Variants in MGAT4C observed in about 807,000 individuals in gnomAD.
MGAT4C encodes MGAT4 family member C.
MGAT4C carries 19 observed loss-of-function variants against 40.1 expected under a neutral mutation model. The observed-to-expected ratio is 0.47, with a 90% confidence interval of 0.33 to 0.70. The LOEUF (loss-of-function observed/expected upper bound fraction) is 0.70. Ranked by LOEUF, MGAT4C falls within the 30% of genes least tolerant of loss-of-function variation. MGAT4C has a pLI of 0.02. For missense variants in MGAT4C, 491 were observed against 563.2 expected, an observed-to-expected ratio of 0.87 and a Z score of 1.30; for synonymous variants, 181 against 187.1, an observed-to-expected ratio of 0.97 and a Z score of 0.27.
chr12:86,667,084 A>C (rs1397401835), intron 2 of MGAT4C, among the ~76,000 whole-genome samples: 1 of 152,182 alleles, frequency 6.6e-6, no homozygotes, highest in Non-Finnish European at 1.5e-5. Flanking sequence ...TGAAACTTTC[A>C]TGGTACAAAA....
chr12:86,753,732 T>A (rs1951259511), intron 1 of MGAT4C, among the ~76,000 whole-genome samples: 1 of 152,050 alleles, frequency 6.6e-6, no homozygotes, highest in African/African-American at 2.4e-5. Context: ...TACAAAAAGA[T>A]ATGAATAGAA....
chr12:86,399,432 C>G (rs1393988767), intron 3 of MGAT4C, among the ~76,000 whole-genome samples: 1 of 151,884 alleles, frequency 6.6e-6, no homozygotes, highest in Admixed American at 6.6e-5. Flanking sequence ...CAGGCGCCCG[C>G]CACCACACCC....
chr12:86,305,454 AAAAAG>A (rs1385020994), intron 4 of MGAT4C, among the ~76,000 whole-genome samples: 2 of 150,090 alleles, frequency 1.3e-5, no homozygotes, highest in African/African-American at 2.5e-5. Context: ...AAAAAAAAAA[AAAAAG>A]AAAGAAAGAA....
At chr12:86,755,442 T>G (rs1951286617) in intron 1 of MGAT4C, among the ~76,000 whole-genome samples, 1 of 152,218 alleles carries the variant, frequency 6.6e-6, no homozygotes, top group Admixed American at 6.5e-5. Context: ...TTCATAGATT[T>G]ACTATGCAGA....
intron 2 of MGAT4C, among the ~76,000 whole-genome samples, chr12:86,008,897 G>A (rs756853055): frequency 2.6e-5 from 4 of 151,926 alleles, no homozygotes; most frequent in Non-Finnish European, 5.9e-5. Flanking sequence ...CTATACGATG[G>A]ATTATACTTG....
At chr12:86,582,791 T>C (rs535516319) in intron 2 of MGAT4C, among the ~76,000 whole-genome samples, 7 of 151,340 alleles carry the variant, frequency 4.6e-5, no homozygotes, top group South Asian at 2.1e-4. Context: ...TTGGGACTTA[T>C]GTCGACCAAG....
chr12:86,677,300 C>A (rs1461679049), intron 2 of MGAT4C, among the ~76,000 whole-genome samples: 1 of 152,080 alleles, frequency 6.6e-6, no homozygotes, highest in Admixed American at 6.6e-5. Flanking sequence ...TTTCACCAAT[C>A]TCTTGATGGC....
intron 3 of MGAT4C, among the ~76,000 whole-genome samples, chr12:86,402,717 A>G (rs1334772446): frequency 6.6e-6 from 1 of 152,158 alleles, no homozygotes; most frequent in East Asian, 1.9e-4. Flanking sequence ...TATAGTAGGC[A>G]CTGGATTTAT....
At chr12:86,239,451 T>C (rs1009557696) in intron 1 of MGAT4C, among the ~76,000 whole-genome samples, 1 of 152,086 alleles carries the variant, frequency 6.6e-6, no homozygotes, top group Non-Finnish European at 1.5e-5. Context: ...CATAAATGTG[T>C]TTCAAAGAAG....
At chr12:86,278,940 T>A (rs897885749) in intron 4 of MGAT4C, among the ~76,000 whole-genome samples, 3 of 152,250 alleles carry the variant, frequency 2.0e-5, no homozygotes, top group Admixed American at 2.0e-4. Context: ...ATCATATAGG[T>A]TTTGTCCTTC....
rs573908850 is a variant in MGAT4C at position 85,985,082 on chromosome 12, A to C, written c.148-1412T>G. ...GGTGTGAGCCAGCACACCTGGCCTTATGTGGATTTATTTTATTCAGTATAG... is the reference window on the plus strand; with the variant it reads ...GGTGTGAGCCAGCACACCTGGCCTTCTGTGGATTTATTTTATTCAGTATAG... On this transcript the variant is annotated intron_variant, in intron 3 of 4. Coordinates refer to ENST00000611864, the MANE Select transcript of MGAT4C (RefSeq NM_001351288.2). Among the ~76,000 whole-genome samples, 4 of 152,254 alleles carry C rather than the reference A, an allele frequency of 2.6e-5. No individual in the cohort carries two copies. The East Asian group carries it at 5.8e-4, about 22-fold the overall frequency.
intron 2 of MGAT4C, among the ~76,000 whole-genome samples, chr12:86,590,559 G>T (rs10858453): frequency 0.85 from 128,931 of 151,544 alleles, 55,378 homozygotes; most frequent in East Asian, 0.96. Context: ...CTTAGCTGCT[G>T]TTTCTTGTAT....
At chr12:86,322,746 A>G (rs1014557215) in intron 4 of MGAT4C, among the ~76,000 whole-genome samples, 1 of 152,104 alleles carries the variant, frequency 6.6e-6, no homozygotes, top group Non-Finnish European at 1.5e-5. Context: ...TAGCATTTTT[A>G]CAAGTCCAAT....
chr12:86,122,243 T>C (rs1879481238), intron 1 of MGAT4C, among the ~76,000 whole-genome samples: 1 of 152,182 alleles, frequency 6.6e-6, no homozygotes, highest in Non-Finnish European at 1.5e-5. Context: ...TAAAAATGTA[T>C]GCCTTTTTAT....
chr12:86,479,491 A>G (rs1475626943), intron 2 of MGAT4C, among the ~76,000 whole-genome samples: 2 of 151,892 alleles, frequency 1.3e-5, no homozygotes, highest in Admixed American at 6.6e-5. Flanking sequence ...AGGGTGGTCA[A>G]ACTCTAAAAA....
chr12:86,827,548 C>A (rs1407856696), intron 1 of MGAT4C, among the ~76,000 whole-genome samples: 1 of 151,066 alleles, frequency 6.6e-6, no homozygotes, highest in African/African-American at 2.4e-5. Context: ...ATGAAACTGT[C>A]CAGATAGAGC....
intron 2 of MGAT4C, among the ~76,000 whole-genome samples, chr12:86,596,658 G>A (rs1961548732): frequency 6.6e-6 from 1 of 152,154 alleles, no homozygotes; most frequent in African/African-American, 2.4e-5. Context: ...TTAATTGGCT[G>A]TAAGTCTTTT....
intron 2 of MGAT4C, among the ~76,000 whole-genome samples, chr12:86,603,746 T>C (rs1164342937): frequency 1.5e-5 from 2 of 132,386 alleles, no homozygotes; most frequent in Non-Finnish European, 3.1e-5. Context: ...ATATACTATA[T>C]ATTATATATA....
chr12:86,002,686 T>A (rs1004589936), intron 2 of MGAT4C, among the ~76,000 whole-genome samples: 1 of 149,436 alleles, frequency 6.7e-6, no homozygotes, highest in African/African-American at 2.4e-5. Flanking sequence ...TATACATATA[T>A]CCCATTCTAT....
Sources: allele counts gnomAD v4.1 joint callset (sites outside exome capture counted in the v4.1 genomes callset), GRCh38; gene constraint gnomAD v4.1.1; transcripts MANE v1.5; gene names NCBI Gene and HGNC (gene_info 2026-07-23, HGNC 2026-07-21).